SLC4A10: variants seen among roughly 807,000 people sequenced by gnomAD.
SLC4A10 encodes solute carrier family 4 member 10.
Under a neutral mutation model 137.7 loss-of-function variants are expected in SLC4A10, and 42 were observed. That is an observed-to-expected ratio of 0.30 (90% CI 0.24 to 0.39). The LOEUF (loss-of-function observed/expected upper bound fraction) is 0.39. Ranked by LOEUF, SLC4A10 falls within the 10% of genes least tolerant of loss-of-function variation. The pLI is 1.00. For missense variants in SLC4A10, 925 were observed against 1,355.0 expected, an observed-to-expected ratio of 0.68 and a Z score of 4.98; for synonymous variants, 474 against 464.1, an observed-to-expected ratio of 1.02 and a Z score of -0.27.
chr2:161,639,665 A>G (rs1345234793), intron 1 of SLC4A10, among the ~76,000 whole-genome samples: 1 of 152,194 alleles, frequency 6.6e-6, no homozygotes, highest in Non-Finnish European at 1.5e-5. Flanking sequence ...GGTTAACATC[A>G]TACTTGAATG....
chr2:161,707,559 T>C (rs1050972599), intron 1 of SLC4A10, among the ~76,000 whole-genome samples: 2 of 151,342 alleles, frequency 1.3e-5, no homozygotes, highest in African/African-American at 4.8e-5. Flanking sequence ...TTTTGAGATA[T>C]TGATTCTATA....
intron 3 of SLC4A10, among the ~76,000 whole-genome samples, chr2:161,832,599 G>C (rs888365142): frequency 6.6e-6 from 1 of 152,154 alleles, no homozygotes; most frequent in African/African-American, 2.4e-5. Context: ...TGATTTAACT[G>C]TCCTTTAGGC....
chr2:161,813,702 A>G (rs892933218), intron 3 of SLC4A10, among the ~76,000 whole-genome samples: 7 of 152,124 alleles, frequency 4.6e-5, no homozygotes, highest in African/African-American at 1.7e-4. Flanking sequence ...TTGAGAAAAT[A>G]TATTTATATC....
At chr2:161,950,299 C>T (rs1412380116) in intron 18 of SLC4A10, among the ~76,000 whole-genome samples, 1 of 151,854 alleles carries the variant, frequency 6.6e-6, no homozygotes, top group Non-Finnish European at 1.5e-5. Flanking sequence ...ATACATTTTC[C>T]AATAGTAAAT....
chr2:161,823,790 C>T (rs192123783), intron 3 of SLC4A10, among the ~76,000 whole-genome samples: 166 of 152,194 alleles, frequency 1.1e-3, no homozygotes, highest in East Asian at 9.1e-3. Context: ...TTAAAGCAGA[C>T]GAAAGTGCCC....
At position 161,972,968 on chromosome 2, in the gene SLC4A10, C is replaced by CCA. The variant is rs554463231; in HGVS notation, c.3160-1281_3160-1280insCA. Reference sequence around the variant, plus strand: ...AGAAATGTGGCATGGAATATTCAGACTATGGGATATCTGAGAGCGGGCCAA... The same window carrying CCA: ...AGAAATGTGGCATGGAATATTCAGACCATATGGGATATCTGAGAGCGGGCCAA... On this transcript the variant is annotated intron_variant, in intron 23 of 26. Coordinates refer to ENST00000446997, the MANE Select transcript of SLC4A10 (RefSeq NM_001178015.2). Among the ~76,000 whole-genome samples the CCA allele has an allele frequency of 4.2e-3, 644 of 152,266 alleles. 6 individuals carry two copies. The highest frequency in any genetic ancestry group is 0.015 in the African/African-American group (603 of 41,550).
At chr2:161,686,030 A>C (rs945932496) in intron 1 of SLC4A10, among the ~76,000 whole-genome samples, 1 of 152,192 alleles carries the variant, frequency 6.6e-6, no homozygotes, top group Non-Finnish European at 1.5e-5. Context: ...CCAACAGGAA[A>C]GTGGAGCAAG....
intron 11 of SLC4A10, among the ~76,000 whole-genome samples, chr2:161,896,985 C>T (rs1168425845): frequency 6.6e-6 from 1 of 151,918 alleles, no homozygotes; most frequent in Non-Finnish European, 1.5e-5. Context: ...AATTGGCAAG[C>T]ATTAGGAAAA....
At chr2:161,876,999 G>GT (rs950808682) in intron 8 of SLC4A10, among the ~76,000 whole-genome samples, 7 of 151,818 alleles carry the variant, frequency 4.6e-5, no homozygotes, top group Non-Finnish European at 4.4e-5. Flanking sequence ...ATATTTTAAT[G>GT]TTTTTTCTAA....
intron 1 of SLC4A10, among the ~76,000 whole-genome samples, chr2:161,630,215 G>A (rs759979618): frequency 2.6e-5 from 4 of 151,730 alleles, no homozygotes; most frequent in Non-Finnish European, 4.4e-5. Flanking sequence ...TTTTTTATAC[G>A]TTGTCGGATT....
chr2:161,950,997 AC>A (rs1209104129), intron 19 of SLC4A10, 149 bp downstream of exon 19: 1 of 731,320 alleles, frequency 1.4e-6, no homozygotes, highest in African/African-American at 1.8e-5. Context: ...CTTACAAGAT[AC>A]TTGGTCTTAC....
At chr2:161,694,249 CATTA>C (rs1206638680) in intron 1 of SLC4A10, among the ~76,000 whole-genome samples, 2 of 151,862 alleles carry the variant, frequency 1.3e-5, no homozygotes, top group African/African-American at 2.4e-5. Context: ...TGGAAGACCT[CATTA>C]ATTAAGACAA....
chr2:161,883,057 A>G (rs901586989), intron 10 of SLC4A10, among the ~76,000 whole-genome samples: 2 of 152,182 alleles, frequency 1.3e-5, no homozygotes, highest in African/African-American at 4.8e-5. Context: ...TCTCAAAAAT[A>G]TAAGATCTTT....
At chr2:161,743,759 A>G (rs1201771266) in intron 1 of SLC4A10, among the ~76,000 whole-genome samples, 2 of 152,134 alleles carry the variant, frequency 1.3e-5, no homozygotes, top group African/African-American at 2.4e-5. Context: ...TGATTCTTCC[A>G]ATACATGAAC....
chr2:161,870,827 A>C lies in SLC4A10; in HGVS notation c.767-1466A>C, dbSNP rs1040767774. On this transcript the variant is annotated intron_variant, in intron 6 of 26. Transcript: ENST00000446997. ...TATGCTATACTCAGAATTTGTGAAC[A>C]TGGTTTGAGGTGAACTTATTTTAAA... is the stretch of plus-strand genomic sequence containing the variant. Among the ~76,000 whole-genome samples the C allele has an allele frequency of 5.9e-5, 9 of 151,988 alleles. No individual in the cohort carries two copies. In the South Asian group the frequency reaches 1.7e-3, roughly 28 times the overall value.
intron 1 of SLC4A10, among the ~76,000 whole-genome samples, chr2:161,694,443 A>C (rs1194423031): frequency 6.7e-6 from 1 of 150,354 alleles, no homozygotes; most frequent in Non-Finnish European, 1.5e-5. Flanking sequence ...ATGTTTAATG[A>C]ATGAAATTCA....
chr2:161,852,720 T>C (rs1015074599), intron 4 of SLC4A10, among the ~76,000 whole-genome samples: 1 of 152,170 alleles, frequency 6.6e-6, no homozygotes, highest in Non-Finnish European at 1.5e-5. Flanking sequence ...TTCAAATTAC[T>C]ATATTATGGT....
At chr2:161,684,691 G>T (rs758744773) in intron 1 of SLC4A10, among the ~76,000 whole-genome samples, 29 of 151,958 alleles carry the variant, frequency 1.9e-4, no homozygotes, top group Non-Finnish European at 3.2e-4. Context: ...TTTGTTGCAG[G>T]GATTCAATGA....
intron 1 of SLC4A10, among the ~76,000 whole-genome samples, chr2:161,666,416 T>C (rs1350732527): frequency 6.6e-6 from 1 of 151,676 alleles, no homozygotes; most frequent in Non-Finnish European, 1.5e-5. Context: ...CTTTTCCCTG[T>C]GCTCATTAAG....
Sources: allele counts gnomAD v4.1 joint callset (sites outside exome capture counted in the v4.1 genomes callset), GRCh38; gene constraint gnomAD v4.1.1; transcripts MANE v1.5; gene names NCBI Gene and HGNC (gene_info 2026-07-23, HGNC 2026-07-21).